SP140: variants seen among roughly 807,000 people sequenced by gnomAD.
The protein encoded by SP140 is SP140 nuclear body protein.
SP140 carries 81 observed loss-of-function variants against 125.0 expected under a neutral mutation model. That is an observed-to-expected ratio of 0.65 (90% CI 0.54 to 0.78). SP140 has a LOEUF of 0.78. Ranked by LOEUF, SP140 falls within the 30% of genes least tolerant of loss-of-function variation. The pLI, the probability that SP140 is intolerant of heterozygous loss-of-function variation, is 0.00. For missense variants in SP140, 858 were observed against 1,037.0 expected (o/e 0.83, Z 2.37); for synonymous variants, 312 against 354.0 (o/e 0.88, Z 1.33).
At chr2:230,220,288 AC>A (rs780816527) in intron 3 of SP140, among the ~76,000 whole-genome samples, 1 of 152,088 alleles carries the variant, frequency 6.6e-6, no homozygotes, top group Non-Finnish European at 1.5e-5. Flanking sequence ...TTTTCCCATG[AC>A]TTGTCCTCAT....
rs3769838 is a variant in SP140, at chr2:230,211,476, T to C, written c.-322-2178T>C. ...TTGACCAAACCAAGATTACCTGGCA[T>C]AGAGCCCAAGGGAGAGTGGGGCATC... is the stretch of plus-strand genomic sequence containing the variant. On this transcript the variant is annotated intron_variant, in intron 1 of 4. Coordinates refer to the SP140 transcript ENST00000456542. This position sits in a 1 kb window ranked among gnomAD's most constrained non-coding sequence, Gnocchi z 4.2. The C allele has an allele frequency of 7.2e-4, 1,149 of 1,598,504 alleles. 12 individuals carry two copies. In the East Asian group the frequency reaches 0.022, roughly 31 times the overall value.
downstream of SP140, among the ~76,000 whole-genome samples, chr2:230,315,978 G>C (rs1448965919): frequency 6.6e-6 from 1 of 152,190 alleles, no homozygotes; most frequent in Non-Finnish European, 1.5e-5. Context: ...CACTTTTAAA[G>C]GATTCAGCAG....
At chr2:230,301,402 A>G (rs73106385) in intron 22 of SP140, among the ~76,000 whole-genome samples, 2,654 of 152,306 alleles carry the variant, frequency 0.017, 97 homozygotes, top group African/African-American at 0.061. Flanking sequence ...GCTAAACTAC[A>G]AAGGAAAACT....
intron 1 of SP140, among the ~76,000 whole-genome samples, chr2:230,231,153 A>G (rs1304889172): frequency 6.6e-6 from 1 of 152,168 alleles, no homozygotes; most frequent in African/African-American, 2.4e-5. Context: ...CCATCTGTTC[A>G]TGCGTATTGT....
chr2:230,277,969 A>G (rs1468862057), intron 15 of SP140, among the ~76,000 whole-genome samples: 3 of 152,108 alleles, frequency 2.0e-5, no homozygotes, highest in Non-Finnish European at 4.4e-5. Flanking sequence ...TCTTTAAGAT[A>G]TTGGTCTCAT....
intron 1 of SP140, among the ~76,000 whole-genome samples, chr2:230,226,762 CAAAA>C (rs11323886): frequency 2.1e-5 from 2 of 94,262 alleles, no homozygotes; most frequent in Non-Finnish European, 2.1e-5. Context: ...AATTCCATCT[CAAAA>C]AAAAAAAAAA....
chr2:230,248,114 G>A, intron 8 of SP140, 49 bp downstream of exon 8: 1 of 1,586,730 alleles, frequency 6.3e-7, no homozygotes, highest in East Asian at 2.2e-5. Context: ...AAATGAGAGT[G>A]CCAACATGGG....
chr2:230,205,838 G>A (rs2043731882), intron 1 of SP140, among the ~76,000 whole-genome samples: 1 of 152,164 alleles, frequency 6.6e-6, no homozygotes, highest in Admixed American at 6.5e-5. Context: ...CGTAGAGTTG[G>A]GAGCCATCAG....
intron 3 of SP140, chr2:230,238,655 A>AT: frequency 4.1e-6 from 4 of 977,770 alleles, no homozygotes; most frequent in African/African-American, 1.6e-5. Context: ...TGAAGTCTCT[A>AT]TTTTTTTGAA....
chr2:230,257,266 G>A (rs757126878), intron 12 of SP140, among the ~76,000 whole-genome samples: 22 of 151,912 alleles, frequency 1.4e-4, no homozygotes, highest in Admixed American at 7.2e-4. Context: ...ATACTTGAAT[G>A]TAATCTACGA....
intron 3 of SP140, chr2:230,220,071 G>C (rs2045671572): frequency 1.0e-6 from 1 of 985,448 alleles, no homozygotes; most frequent in Non-Finnish European, 1.2e-6. Flanking sequence ...GCTGAAGGCA[G>C]GTCGGTGCCT....
At chr2:230,258,674 T>A (rs1470944281) in intron 12 of SP140, among the ~76,000 whole-genome samples, 1 of 152,232 alleles carries the variant, frequency 6.6e-6, no homozygotes, top group Non-Finnish European at 1.5e-5. Context: ...CTGGAAAACG[T>A]GGCTTTCCCA....
chr2:230,297,164 A>G (rs976902997), intron 21 of SP140, among the ~76,000 whole-genome samples: 2 of 152,204 alleles, frequency 1.3e-5, no homozygotes, highest in Middle Eastern at 3.2e-3. Flanking sequence ...TAGAAAGATG[A>G]TAATTAGAGG....
chr2:230,243,855 G>C (rs1031758082), intron 5 of SP140, 44 bp downstream of exon 5: 1 of 1,370,006 alleles, frequency 7.3e-7, no homozygotes. Flanking sequence ...CAGGGTGTCA[G>C]GAGGTGGAAT....
chr2:230,228,414 T>C (rs2149033192), intron 1 of SP140, among the ~76,000 whole-genome samples: 1 of 152,366 alleles, frequency 6.6e-6, no homozygotes, highest in South Asian at 2.1e-4. Context: ...CTGATTGCTA[T>C]TGCTCATCAG....
chr2:230,248,937 G>C lies in SP140; in HGVS notation c.945G>C (p.Lys315Asn), dbSNP rs1190195718. 6.2e-7 allele frequency: 1 copy of C among 1,612,462 alleles called. No individual in the cohort carries two copies. Among genetic ancestry groups the C allele is most frequent in the East Asian group, 2.2e-5 (1 of 44,874 alleles). ...PQVTNEGEPE[K>N]GLCLLPGEGE... ...TCACTAATGAAGGAGAACCAGAGAA[G>C]GGGCTCTGTCTACTACCAGGTGAAG... The change falls in exon 9 of 27, where the codon AAG (lysine) becomes AAC (asparagine). Residue 315 changes from lysine to asparagine, a missense_variant. Coordinates refer to ENST00000392045, the MANE Select transcript of SP140 (RefSeq NM_007237.5).
In SP140 at chr2:230,211,148, A is replaced by G. The variant is rs2044425533; in HGVS notation, c.-322-2506A>G. ...TGCCACAACCCTTTGTGGCAGGTGAATGTTTCCCTTTCAGGCGCTTTGTGG... is the reference window on the plus strand; with the variant it reads ...TGCCACAACCCTTTGTGGCAGGTGAGTGTTTCCCTTTCAGGCGCTTTGTGG... On this transcript the variant is annotated intron_variant, in intron 1 of 4. Coordinates refer to the SP140 transcript ENST00000456542. This position sits in a 1 kb window ranked among gnomAD's most constrained non-coding sequence, Gnocchi z 4.2. Among the ~76,000 whole-genome samples the G allele has an allele frequency of 6.6e-6, 1 of 152,138 alleles. No individual in the cohort carries two copies. The highest frequency in any genetic ancestry group is 2.1e-4 in the South Asian group (1 of 4,832).
rs547991524 is a variant in SP140 at position 230,255,353 on chromosome 2, G to A, written c.1160-99G>A. 1.5e-3 allele frequency: 2,089 copies of A among 1,405,856 alleles called. 23 individuals are homozygous for A. The highest frequency in any genetic ancestry group is 0.013 in the South Asian group (1,115 of 82,932). 87.1% of individuals were successfully genotyped at this position (1,405,856 alleles called of 1,614,324 possible). A position where few individuals can be genotyped will look rare whatever the true frequency, so the allele number is the denominator to read the frequency against. On this transcript the variant is annotated intron_variant, in intron 11 of 26. Coordinates refer to ENST00000392045, the MANE Select transcript of SP140 (RefSeq NM_007237.5). The stretch of plus-strand genomic sequence containing the variant: ...CTGGGTGGGGGACAGCCCTACCTGA[G>A]AGATACTTCAGCTTTCCACATCTTC...
At chr2:230,216,765 G>T in intron 3 of SP140, 1 of 1,613,502 alleles carries the variant, frequency 6.2e-7, no homozygotes. Flanking sequence ...CCATGGAAGG[G>T]TTCAACATGA....
Sources: gnomAD v4.1 joint callset for allele counts (sites outside exome capture counted in the v4.1 genomes callset) on GRCh38, gnomAD v4.1.1 for gene constraint, Gnocchi (gnomAD v3.1) non-coding constraint, MANE v1.5 for transcripts, NCBI Gene and HGNC (gene_info 2026-07-23, HGNC 2026-07-21) for gene names.